NXPE2: variants seen among roughly 807,000 people sequenced by gnomAD.
The protein encoded by NXPE2 is neurexophilin and PC-esterase domain family member 2, also known as NXPE family member 2.
Under a neutral mutation model 34.4 loss-of-function variants are expected in NXPE2, and 34 were observed. The observed-to-expected ratio is 0.99, with a 90% CI of 0.75 to 1.31. NXPE2 has a LOEUF of 1.31. Ranked by LOEUF, NXPE2 falls within the 40% of genes most tolerant of loss-of-function variation. NXPE2 has a pLI of 0.00. For missense variants in NXPE2, 649 were observed against 672.5 expected (o/e 0.97, Z 0.39); for synonymous variants, 235 against 231.3 (o/e 1.02, Z -0.15).
the NXPE2 span, among the ~76,000 whole-genome samples, chr11:114,492,359 T>C: frequency 6.6e-6 from 1 of 152,086 alleles, no homozygotes; most frequent in Non-Finnish European, 1.5e-5. Flanking sequence ...AGATACTTGA[T>C]ATAATTTCAG....
intron 4 of NXPE2, 34 bp from the exon 5 acceptor site, chr11:114,705,747 A>G (rs915583179): frequency 5.3e-6 from 7 of 1,317,806 alleles, no homozygotes; most frequent in Non-Finnish European, 7.1e-6. Context: ...TTGTGGTAAT[A>G]AAAATTACTT....
chr11:114,687,740 G>A (rs1177185613), intron 2 of NXPE2, among the ~76,000 whole-genome samples: 2 of 151,992 alleles, frequency 1.3e-5, no homozygotes, highest in Non-Finnish European at 2.9e-5. Context: ...ATGAGCAAGG[G>A]ATGTTTTTCC....
the NXPE2 span, among the ~76,000 whole-genome samples, chr11:114,502,275 C>T: frequency 3.3e-5 from 5 of 152,198 alleles, no homozygotes; most frequent in South Asian, 1.0e-3. Flanking sequence ...TCACATATTT[C>T]TTCTAGAAAA....
At chr11:114,603,431 G>A in the NXPE2 span, among the ~76,000 whole-genome samples, 1 of 150,340 alleles carries the variant, frequency 6.7e-6, no homozygotes, top group Non-Finnish European at 1.5e-5. Flanking sequence ...GTATTGCCTC[G>A]TCTCCTAGGT....
the NXPE2 span, chr11:114,552,731 G>T: frequency 5.0e-6 from 1 of 201,150 alleles, no homozygotes; most frequent in Non-Finnish European, 8.8e-6. Flanking sequence ...TAGTGCGTAT[G>T]GATATGTTTC....
the NXPE2 span, among the ~76,000 whole-genome samples, chr11:114,542,900 TACTG>T: frequency 5.3e-5 from 8 of 152,212 alleles, no homozygotes; most frequent in African/African-American, 1.9e-4. Flanking sequence ...CAATATGTCA[TACTG>T]ACACCAAACA....
the NXPE2 span, among the ~76,000 whole-genome samples, chr11:114,643,304 T>G: frequency 6.6e-6 from 1 of 152,172 alleles, no homozygotes; most frequent in South Asian, 2.1e-4. Flanking sequence ...CCACTGCTTT[T>G]GGTGTTTTAG....
At chr11:114,719,422 G>A in the NXPE2 span, among the ~76,000 whole-genome samples, 1 of 152,206 alleles carries the variant, frequency 6.6e-6, no homozygotes, top group Admixed American at 6.5e-5. Context: ...GCCTAATGTG[G>A]CAGAGGACTG....
chr11:114,811,822 C>T, the NXPE2 span, among the ~76,000 whole-genome samples: 4 of 152,190 alleles, frequency 2.6e-5, no homozygotes, highest in South Asian at 8.3e-4. Context: ...GCATCCTTAG[C>T]TCTGTCACTT....
At chr11:114,705,316 T>G (rs1217873131) in intron 4 of NXPE2, among the ~76,000 whole-genome samples, 3 of 152,182 alleles carry the variant, frequency 2.0e-5, no homozygotes, top group Non-Finnish European at 4.4e-5. Flanking sequence ...ACACACAAAA[T>G]AAACAATGTG....
the NXPE2 span, among the ~76,000 whole-genome samples, chr11:114,519,398 T>C: frequency 6.6e-6 from 1 of 152,328 alleles, no homozygotes; most frequent in South Asian, 2.1e-4. Flanking sequence ...AAAGAGATGG[T>C]AAATGTTTTA....
chr11:114,675,092 T>C (rs768866458), upstream of NXPE2, among the ~76,000 whole-genome samples: 12 of 151,744 alleles, frequency 7.9e-5, no homozygotes, highest in Non-Finnish European at 1.6e-4. Flanking sequence ...TTTGACAATA[T>C]TCAATGTCTT....
At chr11:114,683,497 T>C (rs1591427951) in intron 2 of NXPE2, among the ~76,000 whole-genome samples, 1 of 150,558 alleles carries the variant, frequency 6.6e-6, no homozygotes, top group African/African-American at 2.4e-5. Context: ...CTCGGCTCAC[T>C]GCAACCTCCG....
At chr11:114,478,382 T>G in the NXPE2 span, among the ~76,000 whole-genome samples, 1 of 152,178 alleles carries the variant, frequency 6.6e-6, no homozygotes, top group South Asian at 2.1e-4. Context: ...GAAGGTTTGT[T>G]TAGCTTTTGA....
chr11:114,782,418 ATCT>A, the NXPE2 span, among the ~76,000 whole-genome samples: 2 of 152,350 alleles, frequency 1.3e-5, no homozygotes, highest in South Asian at 2.1e-4. Context: ...TCATCAGGAA[ATCT>A]TCTTGGAAAA....
At chr11:114,571,443 C>T in the NXPE2 span, 38 of 1,609,778 alleles carry the variant, frequency 2.4e-5, no homozygotes, top group Non-Finnish European at 3.1e-5. Context: ...TTGCAATTTT[C>T]CAGATTCATG....
chr11:114,774,890 G>A, the NXPE2 span, among the ~76,000 whole-genome samples: 8 of 152,332 alleles, frequency 5.3e-5, no homozygotes, highest in African/African-American at 1.4e-4. Flanking sequence ...TGAGGACTGT[G>A]CGCTGGTACC....
chr11:114,725,976 A>AATATATATATATATATATATATAT, the NXPE2 span, among the ~76,000 whole-genome samples: 15 of 101,752 alleles, frequency 1.5e-4, no homozygotes, highest in African/African-American at 4.7e-4. Flanking sequence ...ATAAAAAAAA[A>AATATATATATATATATATATATAT]ATATATATAT....
At chr11:114,563,790 G>T in the NXPE2 span, among the ~76,000 whole-genome samples, 1 of 152,264 alleles carries the variant, frequency 6.6e-6, no homozygotes, top group East Asian at 1.9e-4. Flanking sequence ...ACCCCTGAAA[G>T]AATGGTCATA....
Sources: gnomAD v4.1 joint callset for allele counts (sites outside exome capture counted in the v4.1 genomes callset) on GRCh38, gnomAD v4.1.1 for gene constraint, MANE v1.5 for transcripts, NCBI Gene and HGNC (gene_info 2026-07-23, HGNC 2026-07-21) for gene names.